The following CDH12 variants were observed in gnomAD, a reference collection of about 807,000 sequenced individuals.
The protein encoded by CDH12 is cadherin 12, also known as cadherin-12.
CDH12 carries 41 observed loss-of-function variants against 74.1 expected under a neutral mutation model. The observed-to-expected ratio is 0.55, with a 90% CI of 0.43 to 0.72. The LOEUF is 0.72. CDH12 is among the 30% of genes least tolerant of loss of function. The probability of loss-of-function intolerance (pLI) is 0.00; values close to 1 mark genes in which losing one functional copy is unlikely to be tolerated. For synonymous variants in CDH12, 399 were observed against 355.0 expected (o/e 1.12, Z -1.39); for missense variants, 945 against 977.2 (o/e 0.97, Z 0.44).
chr5:22,265,618 G>A (rs59475556), intron 3 of CDH12, among the ~76,000 whole-genome samples: 3,855 of 152,194 alleles, frequency 0.025, 70 homozygotes, highest in African/African-American at 0.052. Context: ...GAAGTCATCA[G>A]TTGTAGATAA....
chr5:21,860,137 T>A (rs1222743386), intron 6 of CDH12, among the ~76,000 whole-genome samples: 1 of 152,058 alleles, frequency 6.6e-6, no homozygotes. Flanking sequence ...AAATGAGTAC[T>A]GTAATTGTCA....
intron 5 of CDH12, among the ~76,000 whole-genome samples, chr5:22,059,766 A>T (rs1419798608): frequency 5.3e-5 from 8 of 152,130 alleles, no homozygotes; most frequent in Non-Finnish European, 7.4e-5. Flanking sequence ...GGTTAAGTTT[A>T]AAAAAATAAT....
chr5:22,631,128 A>C (rs948969524), intron 1 of CDH12, among the ~76,000 whole-genome samples: 2 of 152,154 alleles, frequency 1.3e-5, no homozygotes, highest in African/African-American at 4.8e-5. Flanking sequence ...TAAAAAGTCA[A>C]AAAATAACAG....
At chr5:22,553,658 A>G (rs2126737543) in intron 1 of CDH12, among the ~76,000 whole-genome samples, 1 of 152,326 alleles carries the variant, frequency 6.6e-6, no homozygotes, top group Non-Finnish European at 1.5e-5. Context: ...TTCCATAACA[A>G]TGGATAGTAA....
chr5:22,032,995 A>C (rs2150175092), intron 5 of CDH12, among the ~76,000 whole-genome samples: 1 of 150,060 alleles, frequency 6.7e-6, no homozygotes, highest in Admixed American at 6.7e-5. Context: ...TTTCTAAAAT[A>C]TTCTTACCAC....
chr5:22,244,662 G>A (rs1752864449), intron 3 of CDH12, among the ~76,000 whole-genome samples: 1 of 142,322 alleles, frequency 7.0e-6, no homozygotes, highest in Non-Finnish European at 1.5e-5. Context: ...AAAGAGAGAG[G>A]AAAGAAAGAA....
intron 1 of CDH12, among the ~76,000 whole-genome samples, chr5:22,703,892 A>C (rs186455872): frequency 3.1e-3 from 476 of 152,306 alleles, no homozygotes; most frequent in Non-Finnish European, 5.0e-3. Context: ...TTATGTATAC[A>C]TGCTGTTTTT....
chr5:22,778,552 A>G (rs1299043020), intron 1 of CDH12, among the ~76,000 whole-genome samples: 5 of 152,182 alleles, frequency 3.3e-5, no homozygotes, highest in Non-Finnish European at 4.4e-5. Flanking sequence ...TTAGAAGTGG[A>G]TTGAATTATA....
intron 4 of CDH12, among the ~76,000 whole-genome samples, chr5:22,120,374 A>G (rs1051494523): frequency 6.6e-6 from 1 of 152,166 alleles, no homozygotes; most frequent in Non-Finnish European, 1.5e-5. Flanking sequence ...ATAAAGGACA[A>G]ACATTATGTA....
Position 22,851,643 on chromosome 5 carries a change from G to A in CDH12, c.-523+1415C>T, listed in dbSNP as rs1435664421. 2.0e-5 allele frequency among the ~76,000 whole-genome samples: 3 copies of A among 152,028 alleles called. No individual in the cohort carries two copies. The East Asian group carries it at 5.8e-4, about 29-fold the overall frequency. ...TATCAGTTAAATTAGTTAAAGGGAAGCCCCTGTTTTGCATGTGGCTATCCA... is the reference window on the plus strand; with the variant it reads ...TATCAGTTAAATTAGTTAAAGGGAAACCCCTGTTTTGCATGTGGCTATCCA... On this transcript the variant is annotated intron_variant, in intron 1 of 14. Transcript: ENST00000382254.
intron 1 of CDH12, among the ~76,000 whole-genome samples, chr5:22,593,618 T>G (rs1161957705): frequency 1.3e-5 from 2 of 152,198 alleles, no homozygotes; most frequent in East Asian, 3.8e-4. Context: ...TTTAAAAAAT[T>G]AGTTACAACT....
intron 14 of CDH12, among the ~76,000 whole-genome samples, chr5:21,754,671 T>C (rs1744285371): frequency 6.6e-6 from 1 of 152,174 alleles, no homozygotes; most frequent in Non-Finnish European, 1.5e-5. Flanking sequence ...ATTATTTTTT[T>C]TTCTTTCCTA....
chr5:22,829,161 T>A (rs985102279), intron 1 of CDH12, among the ~76,000 whole-genome samples: 6 of 152,140 alleles, frequency 3.9e-5, no homozygotes, highest in Admixed American at 3.9e-4. Context: ...CATACTATAG[T>A]GAGGAAAATG....
chr5:22,742,999 TGAATAGA>T (rs1205029465), intron 1 of CDH12, among the ~76,000 whole-genome samples: 1 of 151,362 alleles, frequency 6.6e-6, no homozygotes, highest in African/African-American at 2.4e-5. Flanking sequence ...GTTGAAAGCC[TGAATAGA>T]ACCAAAAGGC....
At chr5:22,849,684 C>A (rs1022809785) in intron 1 of CDH12, among the ~76,000 whole-genome samples, 10 of 152,162 alleles carry the variant, frequency 6.6e-5, no homozygotes, top group African/African-American at 2.4e-4. Context: ...TATCGGTGTA[C>A]AGATTGGAGT....
intron 1 of CDH12, among the ~76,000 whole-genome samples, chr5:22,529,193 AGAGAG>A (rs1366188823): frequency 2.5e-5 from 1 of 39,434 alleles, no homozygotes; most frequent in Non-Finnish European, 5.5e-5. Context: ...ATATATAGAG[AGAGAG>A]AGAGAGAGAG....
intron 2 of CDH12, among the ~76,000 whole-genome samples, chr5:22,435,599 T>A (rs1478637297): frequency 2.6e-5 from 4 of 151,742 alleles, no homozygotes; most frequent in Non-Finnish European, 5.9e-5. Context: ...AGTTTATAGT[T>A]TAAAACAAAG....
At chr5:22,187,787 T>G (rs1750047507) in intron 4 of CDH12, among the ~76,000 whole-genome samples, 1 of 152,142 alleles carries the variant, frequency 6.6e-6, no homozygotes, top group South Asian at 2.1e-4. Flanking sequence ...GTTCATGTCT[T>G]ACAGCTGAGG....
chr5:22,743,550 ACTGT>A (rs1204913936), intron 1 of CDH12, among the ~76,000 whole-genome samples: 1 of 151,974 alleles, frequency 6.6e-6, no homozygotes, highest in Admixed American at 6.6e-5. Flanking sequence ...CATTTGTAAG[ACTGT>A]CTGTACAGGT....
Sources: gnomAD v4.1 joint callset for allele counts (sites outside exome capture counted in the v4.1 genomes callset) on GRCh38, gnomAD v4.1.1 for gene constraint, MANE v1.5 for transcripts, NCBI Gene and HGNC (gene_info 2026-07-23, HGNC 2026-07-21) for gene names.